Variants in IGF1R observed in about 807,000 individuals in gnomAD.
The protein encoded by IGF1R is insulin like growth factor 1 receptor.
IGF1R carries 44 observed loss-of-function variants against 144.6 expected under a neutral mutation model. The observed-to-expected ratio is 0.30, with a 90% CI of 0.24 to 0.39. The LOEUF (loss-of-function observed/expected upper bound fraction) is 0.39. Ranked by LOEUF, IGF1R falls within the 10% of genes least tolerant of loss-of-function variation. The pLI, the probability that IGF1R is intolerant of heterozygous loss-of-function variation, is 1.00. For synonymous variants in IGF1R, 795 were observed against 722.8 expected, an observed-to-expected ratio of 1.10 and a Z score of -1.60; for missense variants, 1,355 against 1,833.7, an observed-to-expected ratio of 0.74 and a Z score of 4.77.
Position 98,787,307 on chromosome 15 carries a change from A to T in IGF1R, c.640+79200A>T, listed in dbSNP as rs141061522. Among the ~76,000 whole-genome samples the T allele has an allele frequency of 3.4e-3, 519 of 152,320 alleles. 5 individuals are homozygous for T. The highest frequency in any genetic ancestry group is 0.012 in the African/African-American group (491 of 41,572). ...GTTCATGACTATATTAGGGGCATGG[A>T]TAGAAAGTGCCCCCATAGCACTCTC... On this transcript the variant is annotated intron_variant, in intron 2 of 20. Coordinates refer to ENST00000650285, the MANE Select transcript of IGF1R (RefSeq NM_000875.5).
intron 2 of IGF1R, among the ~76,000 whole-genome samples, chr15:98,738,506 A>C (rs1385361220): frequency 6.6e-6 from 1 of 152,212 alleles, no homozygotes; most frequent in East Asian, 1.9e-4. Flanking sequence ...AGTGCACCCC[A>C]GCCTGGGCAA....
intron 6 of IGF1R, among the ~76,000 whole-genome samples, chr15:98,909,486 T>C (rs992082870): frequency 2.6e-5 from 4 of 152,180 alleles, no homozygotes; most frequent in Non-Finnish European, 5.9e-5. Context: ...CTCAAACTCC[T>C]GACCTCAAAT....
intron 2 of IGF1R, 36 bp downstream of exon 2, chr15:98,708,143 TC>T: frequency 6.6e-7 from 1 of 1,526,274 alleles, no homozygotes; most frequent in Non-Finnish European, 9.0e-7. Context: ...TCTCTCTGCC[TC>T]TCTCTCTCCT....
At chr15:98,952,918 A>C (rs2151732136) in intron 20 of IGF1R, 1 of 152,306 alleles carries the variant, frequency 6.6e-6, no homozygotes, top group East Asian at 1.9e-4. Flanking sequence ...GAGTAGAATG[A>C]AAGGAGGCAA....
At chr15:98,701,362 A>T (rs934617612) in intron 1 of IGF1R, among the ~76,000 whole-genome samples, 3 of 104,674 alleles carry the variant, frequency 2.9e-5, no homozygotes, top group South Asian at 3.2e-4. Flanking sequence ...TTTGAGATGG[A>T]GTCTCGTTCT....
At chr15:98,918,907 A>G (rs559767910) in intron 10 of IGF1R, among the ~76,000 whole-genome samples, 1 of 151,788 alleles carries the variant, frequency 6.6e-6, no homozygotes, top group East Asian at 1.9e-4. Flanking sequence ...GAGCTGTGAG[A>G]AGGGCCTGCG....
chr15:98,760,828 A>G (rs776409157), intron 2 of IGF1R, among the ~76,000 whole-genome samples: 21 of 152,234 alleles, frequency 1.4e-4, no homozygotes, highest in Non-Finnish European at 2.8e-4. Flanking sequence ...TTTTCTGATT[A>G]CCCATCCTTC....
At chr15:98,696,733 T>A (rs1255914241) in intron 1 of IGF1R, among the ~76,000 whole-genome samples, 2 of 152,206 alleles carry the variant, frequency 1.3e-5, no homozygotes, top group Non-Finnish European at 1.5e-5. Context: ...AGAGTGGGAC[T>A]GAGCTGCTCA....
chr15:98,850,690 G>A (rs1019583711), intron 2 of IGF1R, among the ~76,000 whole-genome samples: 1 of 152,142 alleles, frequency 6.6e-6, no homozygotes, highest in Admixed American at 6.5e-5. Flanking sequence ...TACGTTACAA[G>A]TAACTGCATG....
chr15:98,649,721 C>T (rs375478741), intron 1 of IGF1R, 46 bp downstream of exon 1: 303 of 1,419,500 alleles, frequency 2.1e-4, no homozygotes, highest in Non-Finnish European at 2.9e-4. Context: ...AACTTTTCCT[C>T]CGAGGGGCTG....
intron 1 of IGF1R, among the ~76,000 whole-genome samples, chr15:98,650,391 G>C (rs1283910233): frequency 6.6e-6 from 1 of 152,222 alleles, no homozygotes; most frequent in Non-Finnish European, 1.5e-5. Flanking sequence ...GAGGGGAAGC[G>C]CTCTCTGGGC....
intron 8 of IGF1R, among the ~76,000 whole-genome samples, chr15:98,915,160 C>A (rs2015189033): frequency 6.6e-6 from 1 of 152,186 alleles, no homozygotes; most frequent in Admixed American, 6.5e-5. Context: ...GACAAGATTT[C>A]AGTGGTTCTG....
intron 1 of IGF1R, among the ~76,000 whole-genome samples, chr15:98,656,094 A>G (rs947913238): frequency 3.3e-5 from 5 of 152,236 alleles, no homozygotes; most frequent in African/African-American, 4.8e-5. Context: ...CGATTGCAAT[A>G]TAAGTTGTTG....
At chr15:98,902,815 G>A (rs2014552023) in intron 5 of IGF1R, among the ~76,000 whole-genome samples, 1 of 152,156 alleles carries the variant, frequency 6.6e-6, no homozygotes, top group South Asian at 2.1e-4. Flanking sequence ...ATGGAGAACA[G>A]AACAATTCAA....
At chr15:98,909,254 T>TTTTTTTTTC in intron 6 of IGF1R, among the ~76,000 whole-genome samples, 1 of 118,570 alleles carries the variant, frequency 8.4e-6, no homozygotes, top group East Asian at 2.3e-4. Flanking sequence ...TTTTTTTCTT[T>TTTTTTTTTC]TTTTTTCTTT....
chr15:98,842,600 A>AT (rs1176329449), intron 2 of IGF1R, among the ~76,000 whole-genome samples: 1 of 152,188 alleles, frequency 6.6e-6, no homozygotes, highest in Non-Finnish European at 1.5e-5. Flanking sequence ...TCATGCAATT[A>AT]TTTTTCTGAA....
chr15:98,665,745 G>A (rs910225936), intron 1 of IGF1R, among the ~76,000 whole-genome samples: 1 of 152,238 alleles, frequency 6.6e-6, no homozygotes, highest in Non-Finnish European at 1.5e-5. Flanking sequence ...GCCCATGGCT[G>A]CCAGAACAGG....
intron 1 of IGF1R, among the ~76,000 whole-genome samples, chr15:98,682,276 G>C (rs1349452651): frequency 6.6e-6 from 1 of 152,156 alleles, no homozygotes; most frequent in African/African-American, 2.4e-5. Context: ...AAGGTACCAG[G>C]AGAAAGATGA....
At chr15:98,692,726 C>T (rs937448875) in intron 1 of IGF1R, among the ~76,000 whole-genome samples, 5 of 152,174 alleles carry the variant, frequency 3.3e-5, no homozygotes, top group Non-Finnish European at 7.3e-5. Flanking sequence ...CAACAACTAC[C>T]TGAGATAATG....
Sources: allele counts gnomAD v4.1 joint callset (sites outside exome capture counted in the v4.1 genomes callset), GRCh38; gene constraint gnomAD v4.1.1; transcripts MANE v1.5; gene names NCBI Gene and HGNC (gene_info 2026-07-23, HGNC 2026-07-21).